BEND7: variants seen among roughly 807,000 people sequenced by gnomAD.
The protein encoded by BEND7 is BEN domain-containing protein 7.
BEND7 carries 28 observed loss-of-function variants against 50.9 expected under a neutral mutation model. That is an observed-to-expected ratio of 0.55 (90% CI 0.41 to 0.75). The LOEUF (loss-of-function observed/expected upper bound fraction) is 0.75. Ranked by LOEUF, BEND7 falls within the 30% of genes least tolerant of loss-of-function variation. BEND7 has a pLI of 0.00. For synonymous variants in BEND7, 170 were observed against 183.9 expected, an observed-to-expected ratio of 0.92 and a Z score of 0.61; for missense variants, 477 against 491.3, an observed-to-expected ratio of 0.97 and a Z score of 0.28.
In BEND7 at chr10:13,492,685, C is replaced by T; in HGVS notation, c.763G>A (p.Ala255Thr). Residue 255 changes from alanine (A) to threonine (T), a missense_variant, in exon 5 of 9, where the codon GCA (alanine) becomes ACA (threonine). Physicochemically the swap from Ala to Thr is moderately conservative, Grantham distance 58 (BLOSUM62 0). Around this residue, in one of 3 missense-constraint regions of BEND7, gnomAD observed 396 missense variants for 384.2 expected, o/e 1.03. Coordinates refer to ENST00000466271, the MANE Select transcript of BEND7 (RefSeq NM_001369863.1). ...TCCTCCGGGGAGGTGTGCTCGGCTG[C>T]CTGGAGAGCAGATAGCTCAGAGGCC... ...VVASELSALQ[A>T]AEHTSPEESR... 1 of 1,614,176 alleles carries T rather than the reference C, an allele frequency of 6.2e-7. No homozygotes were observed. Among genetic ancestry groups the T allele is most frequent in the Non-Finnish European group, 8.5e-7 (1 of 1,180,030 alleles).
At chr10:13,471,470 T>C (rs1193958426) in intron 6 of BEND7, among the ~76,000 whole-genome samples, 1 of 152,210 alleles carries the variant, frequency 6.6e-6, no homozygotes, top group Non-Finnish European at 1.5e-5. Context: ...CAAGAAGAGA[T>C]TCTACATTTT....
In BEND7 at chr10:13,500,066, C is replaced by T. The variant is rs2077329242; in HGVS notation, c.160G>A (p.Glu54Lys). ...ATCCCTGTAATTTGCTTTTTTATTTCCATGCTTTCATCTCCTAATGGAAAC... is the reference window on the plus strand; with the variant it reads ...ATCCCTGTAATTTGCTTTTTTATTTTCATGCTTTCATCTCCTAATGGAAAC... ...QPIFLGDESM[E>K]IKKQITGMRR... Residue 54 changes from glutamate (E) to lysine (K), a missense_variant, in exon 3 of 9, where the codon GAA becomes AAA. Transcript: ENST00000466271. 1 of 1,593,672 alleles carries T rather than the reference C, an allele frequency of 6.3e-7. No homozygotes were observed. Among genetic ancestry groups the T allele is most frequent in the Non-Finnish European group, 8.6e-7 (1 of 1,164,774 alleles).
chr10:13,508,514 T>A (rs956614876), intron 2 of BEND7, among the ~76,000 whole-genome samples: 1 of 152,124 alleles, frequency 6.6e-6, no homozygotes, highest in Non-Finnish European at 1.5e-5. Context: ...GGCCATAGAA[T>A]CATTTAATTG....
At chr10:13,517,364 C>CAT (rs1269479266) in intron 2 of BEND7, among the ~76,000 whole-genome samples, 1 of 151,986 alleles carries the variant, frequency 6.6e-6, no homozygotes, top group Admixed American at 6.6e-5. Context: ...GGCTGCTGCA[C>CAT]ATGGAGGCAA....
At chr10:13,507,035 A>C (rs988824726) in intron 2 of BEND7, among the ~76,000 whole-genome samples, 1 of 152,144 alleles carries the variant, frequency 6.6e-6, no homozygotes, top group Non-Finnish European at 1.5e-5. Context: ...GCATGAAGCC[A>C]TATTTTGGTT....
chr10:13,452,870 C>T (rs561168561), intron 6 of BEND7, among the ~76,000 whole-genome samples: 45 of 152,316 alleles, frequency 3.0e-4, no homozygotes, highest in Middle Eastern at 3.4e-3. Flanking sequence ...CAAAACGAAA[C>T]TGGCGATACT....
Position 13,499,831 on chromosome 10 carries a change from C to T in BEND7, c.395G>A (p.Gly132Asp), listed in dbSNP as rs1564373777. The T allele has an allele frequency of 6.2e-7, 1 of 1,613,976 alleles. No homozygotes were observed. The highest frequency in any genetic ancestry group is 8.5e-7 in the Non-Finnish European group (1 of 1,179,886). The change falls in exon 3 of 9, where the codon GGC becomes GAC. Residue 132 changes from glycine to aspartate, a missense_variant. Physicochemically the swap from Gly to Asp is moderately conservative, Grantham distance 94. This residue lies in a region of BEND7 where 396 missense variants were observed against 384.2 expected (regional missense o/e 1.03). Coordinates refer to ENST00000466271, the MANE Select transcript of BEND7 (RefSeq NM_001369863.1). ...PQSGQFSGQY[G>D]TRSRTFQSQP... The stretch of plus-strand genomic sequence containing the variant: ...GCTTTGGAAGGTTCTAGAACGGGTG[C>T]CATACTGCCCTGAGAACTGTCCACT...
intron 3 of BEND7, among the ~76,000 whole-genome samples, chr10:13,498,196 C>G (rs572240433): frequency 6.6e-6 from 1 of 151,486 alleles, no homozygotes; most frequent in East Asian, 1.9e-4. Flanking sequence ...ATGCCTCAGC[C>G]CCCCAAGTAG....
chr10:13,490,961 A>G (rs961630348), intron 5 of BEND7, among the ~76,000 whole-genome samples: 5 of 152,030 alleles, frequency 3.3e-5, no homozygotes, highest in Admixed American at 2.6e-4. Context: ...GTGCCACCAC[A>G]TCCAGCTAAT....
At chr10:13,453,309 G>T (rs1011461322) in intron 6 of BEND7, among the ~76,000 whole-genome samples, 6 of 152,180 alleles carry the variant, frequency 3.9e-5, no homozygotes, top group African/African-American at 1.4e-4. Flanking sequence ...CACACGCAGC[G>T]CTGGGGTTGA....
At chr10:13,463,891 G>A (rs1264029612) in intron 6 of BEND7, among the ~76,000 whole-genome samples, 1 of 152,180 alleles carries the variant, frequency 6.6e-6, no homozygotes, top group Admixed American at 6.5e-5. Context: ...GAAAAGGATG[G>A]AAATTCACAG....
intron 6 of BEND7, among the ~76,000 whole-genome samples, chr10:13,458,700 AC>A (rs1839561944): frequency 6.6e-6 from 1 of 152,226 alleles, no homozygotes; most frequent in Admixed American, 6.5e-5. Flanking sequence ...TTGCAAAGGG[AC>A]AAGGGACAAT....
At chr10:13,488,569 T>C (rs1021957655) in intron 5 of BEND7, among the ~76,000 whole-genome samples, 1 of 151,838 alleles carries the variant, frequency 6.6e-6, no homozygotes, top group Middle Eastern at 3.2e-3. Context: ...CTCACTGCAA[T>C]CTTCGACTCC....
intron 6 of BEND7, among the ~76,000 whole-genome samples, chr10:13,462,980 C>A (rs542554555): frequency 6.6e-6 from 1 of 152,308 alleles, no homozygotes; most frequent in South Asian, 2.1e-4. Flanking sequence ...ACTGGAATAT[C>A]TTCAAATCAT....
chr10:13,478,466 C>A (rs11258407), intron 6 of BEND7, among the ~76,000 whole-genome samples: 85,131 of 151,992 alleles, frequency 0.56, 24,191 homozygotes, highest in East Asian at 0.75. Context: ...TGTCCTTAAG[C>A]AACTTACAAG....
intron 6 of BEND7, among the ~76,000 whole-genome samples, chr10:13,476,661 C>G (rs141275280): frequency 6.6e-6 from 1 of 152,202 alleles, no homozygotes; most frequent in East Asian, 1.9e-4. Flanking sequence ...CATGGTCTAC[C>G]GAGTATATCA....
At chr10:13,488,733 C>T (rs1016822304) in intron 5 of BEND7, among the ~76,000 whole-genome samples, 70 of 152,138 alleles carry the variant, frequency 4.6e-4, no homozygotes, top group African/African-American at 1.5e-3. Context: ...CTGATCCGCC[C>T]GCCTTGGCCT....
intron 5 of BEND7, among the ~76,000 whole-genome samples, chr10:13,490,516 C>T (rs974118113): frequency 6.6e-6 from 1 of 152,228 alleles, no homozygotes; most frequent in South Asian, 2.1e-4. Flanking sequence ...TCCAGGCTCA[C>T]TGCTCCTGTC....
chr10:13,520,643 C>A (rs1237869050), intron 2 of BEND7, among the ~76,000 whole-genome samples: 4 of 152,158 alleles, frequency 2.6e-5, no homozygotes, highest in Non-Finnish European at 5.9e-5. Context: ...TGTCAGGAGA[C>A]CCCACTGGAA....
Sources: allele counts gnomAD v4.1 joint callset (sites outside exome capture counted in the v4.1 genomes callset), GRCh38; gene constraint gnomAD v4.1.1; regional missense constraint gnomAD v4.1.1; transcripts MANE v1.5; gene names NCBI Gene and HGNC (gene_info 2026-07-23, HGNC 2026-07-21).